CDYL2: variants seen among roughly 807,000 people sequenced by gnomAD.
CDYL2 encodes the protein chromodomain Y-like protein 2.
A neutral mutation model predicts 49.4 loss-of-function variants in CDYL2; 23 were observed. That is an observed-to-expected ratio of 0.47 (90% CI 0.34 to 0.66). The LOEUF (loss-of-function observed/expected upper bound fraction) is 0.66. CDYL2 is among the 30% of genes least tolerant of loss of function. CDYL2 has a pLI of 0.01. For missense variants in CDYL2, 678 were observed against 656.4 expected, an observed-to-expected ratio of 1.03 and a Z score of -0.36; for synonymous variants, 360 against 268.8, an observed-to-expected ratio of 1.34 and a Z score of -3.32.
intron 6 of CDYL2, among the ~76,000 whole-genome samples, chr16:80,604,893 T>C (rs1365101448): frequency 6.6e-6 from 1 of 152,222 alleles, no homozygotes; most frequent in Non-Finnish European, 1.5e-5. Flanking sequence ...CCGTGATTCA[T>C]TTTCATGATC....
chr16:80,610,658 G>T (rs1308051723), intron 5 of CDYL2, among the ~76,000 whole-genome samples: 3 of 152,134 alleles, frequency 2.0e-5, no homozygotes, highest in Non-Finnish European at 4.4e-5. Context: ...GTGACTCTGG[G>T]CAAGTCACTT....
At chr16:80,641,649 A>C (rs1908092409) in intron 2 of CDYL2, among the ~76,000 whole-genome samples, 1 of 151,528 alleles carries the variant, frequency 6.6e-6, no homozygotes, top group Admixed American at 6.6e-5. Flanking sequence ...CCGCAAGGAC[A>C]AAAAACCAAA....
intron 1 of CDYL2, among the ~76,000 whole-genome samples, chr16:80,685,799 CT>C (rs1383858085): frequency 6.6e-6 from 1 of 152,162 alleles, no homozygotes; most frequent in African/African-American, 2.4e-5. Flanking sequence ...AAGGGCAGAA[CT>C]GGGGTTTGAA....
intron 4 of CDYL2, among the ~76,000 whole-genome samples, chr16:80,615,451 C>T (rs1334848917): frequency 4.6e-5 from 7 of 152,104 alleles, no homozygotes; most frequent in Admixed American, 1.3e-4. Flanking sequence ...ATCTTCCACT[C>T]GGTGCAGAAT....
intron 4 of CDYL2, among the ~76,000 whole-genome samples, chr16:80,617,817 C>T (rs983281945): frequency 2.0e-5 from 3 of 152,140 alleles, no homozygotes; most frequent in Non-Finnish European, 4.4e-5. Context: ...AAGAATCTTG[C>T]GTTTCTCTTA....
intron 2 of CDYL2, among the ~76,000 whole-genome samples, chr16:80,646,110 G>C (rs1908332486): frequency 6.6e-6 from 1 of 151,638 alleles, no homozygotes; most frequent in African/African-American, 2.4e-5. Context: ...CCTGCACGTT[G>C]TGTACATGTA....
intron 2 of CDYL2, among the ~76,000 whole-genome samples, chr16:80,671,565 C>T (rs1221216154): frequency 6.6e-6 from 1 of 152,202 alleles, no homozygotes; most frequent in Non-Finnish European, 1.5e-5. Flanking sequence ...CATACCATAC[C>T]TCTTCCCTGT....
At chr16:80,628,391 G>A (rs184050343) in intron 3 of CDYL2, 1 of 152,344 alleles carries the variant, frequency 6.6e-6, no homozygotes, top group Non-Finnish European at 1.5e-5. Flanking sequence ...TTCTTGCTCT[G>A]AGGGAATAAA....
intron 2 of CDYL2, among the ~76,000 whole-genome samples, chr16:80,681,634 T>A (rs1214808383): frequency 6.6e-6 from 1 of 152,178 alleles, no homozygotes; most frequent in Admixed American, 6.5e-5. Context: ...TAGTTCTGAC[T>A]AGAAGGTGAA....
chr16:80,730,641 C>T (rs1409043669), intron 1 of CDYL2, among the ~76,000 whole-genome samples: 1 of 152,052 alleles, frequency 6.6e-6, no homozygotes, highest in Non-Finnish European at 1.5e-5. Context: ...CGGGCAGAGA[C>T]ACAACCAAAA....
At chr16:80,801,703 A>T (rs993465137) in intron 1 of CDYL2, among the ~76,000 whole-genome samples, 2 of 152,224 alleles carry the variant, frequency 1.3e-5, no homozygotes, top group Admixed American at 6.5e-5. Flanking sequence ...TTTCCTTTCA[A>T]GGCCAGTCAA....
intron 2 of CDYL2, among the ~76,000 whole-genome samples, chr16:80,641,444 G>A (rs1908081243): frequency 6.6e-6 from 1 of 152,144 alleles, no homozygotes; most frequent in Non-Finnish European, 1.5e-5. Flanking sequence ...ACAAACAAAA[G>A]CTGAGAAATT....
At chr16:80,766,423 A>AT (rs1906727375) in intron 1 of CDYL2, among the ~76,000 whole-genome samples, 1 of 152,212 alleles carries the variant, frequency 6.6e-6, no homozygotes, top group Non-Finnish European at 1.5e-5. Flanking sequence ...AAGGCTGAAA[A>AT]TTTTCATAGT....
chr16:80,787,120 C>T (rs1375867921), intron 1 of CDYL2, among the ~76,000 whole-genome samples: 1 of 151,962 alleles, frequency 6.6e-6, no homozygotes, highest in Non-Finnish European at 1.5e-5. Context: ...AATTACCTTT[C>T]CAAACAGTCG....
At chr16:80,752,211 T>C (rs1367708595) in intron 1 of CDYL2, among the ~76,000 whole-genome samples, 1 of 151,994 alleles carries the variant, frequency 6.6e-6, no homozygotes, top group Non-Finnish European at 1.5e-5. Flanking sequence ...AAATGAATGA[T>C]AGGTTAGAAG....
intron 1 of CDYL2, among the ~76,000 whole-genome samples, chr16:80,784,161 T>G (rs1209820616): frequency 2.0e-5 from 3 of 152,350 alleles, no homozygotes; most frequent in South Asian, 4.1e-4. Context: ...TCTTTTCTAC[T>G]TTCTTAATAT....
At chr16:80,636,779 A>T (rs1907848450) in intron 2 of CDYL2, among the ~76,000 whole-genome samples, 1 of 152,206 alleles carries the variant, frequency 6.6e-6, no homozygotes, top group Non-Finnish European at 1.5e-5. Flanking sequence ...CACTGTTCAC[A>T]ATAGCAAAGA....
chr16:80,694,786 T>C (rs1054363619), intron 1 of CDYL2, among the ~76,000 whole-genome samples: 5 of 151,928 alleles, frequency 3.3e-5, no homozygotes, highest in African/African-American at 1.2e-4. Context: ...CCTAGGAAAA[T>C]GCCTAACTCT....
chr16:80,723,111 C>A (rs536116225), intron 1 of CDYL2, among the ~76,000 whole-genome samples: 3 of 152,208 alleles, frequency 2.0e-5, no homozygotes, highest in Non-Finnish European at 4.4e-5. Flanking sequence ...CAGGCACCTC[C>A]CTGGGCTACC....
Sources: allele counts gnomAD v4.1 joint callset (sites outside exome capture counted in the v4.1 genomes callset), GRCh38; gene constraint gnomAD v4.1.1; transcripts MANE v1.5; gene names NCBI Gene and HGNC (gene_info 2026-07-23, HGNC 2026-07-21).